Variants in OLA1 observed in about 807,000 individuals in gnomAD.
The protein encoded by OLA1 is obg-like ATPase 1.
OLA1 carries 14 observed loss-of-function variants against 48.4 expected under a neutral mutation model. The ratio of observed to expected loss-of-function variants is 0.29; its 90% CI spans 0.19 to 0.45. The LOEUF is 0.45. Among genes scored for constraint, OLA1 ranks in the 20% least tolerant of loss-of-function variants. OLA1 has a pLI of 1.00. For missense variants in OLA1, 325 were observed against 467.1 expected (o/e 0.70, Z 2.80); for synonymous variants, 127 against 150.4 (o/e 0.84, Z 1.14).
intron 7 of OLA1, among the ~76,000 whole-genome samples, chr2:174,099,756 A>G (rs2105351733): frequency 6.6e-6 from 1 of 152,340 alleles, no homozygotes; most frequent in Non-Finnish European, 1.5e-5. Context: ...GTGGTTTCTC[A>G]TACTTTAAGA....
intron 7 of OLA1, among the ~76,000 whole-genome samples, chr2:174,093,592 T>C (rs552267516): frequency 7.6e-4 from 116 of 152,360 alleles, no homozygotes; most frequent in African/African-American, 2.6e-3. Context: ...TACAACACTT[T>C]GTACTCGGAC....
chr2:174,166,087 T>C (rs1254160879), intron 4 of OLA1, among the ~76,000 whole-genome samples: 3 of 149,866 alleles, frequency 2.0e-5, no homozygotes, highest in African/African-American at 7.4e-5. Context: ...ATCGTGCCAC[T>C]GCACTCCAGC....
At chr2:174,098,177 T>C (rs1443037282) in intron 7 of OLA1, among the ~76,000 whole-genome samples, 1 of 152,214 alleles carries the variant, frequency 6.6e-6, no homozygotes, top group African/African-American at 2.4e-5. Flanking sequence ...TATTGACATA[T>C]ATTTTCAGTG....
intron 4 of OLA1, among the ~76,000 whole-genome samples, chr2:174,200,367 G>T (rs912220793): frequency 6.6e-6 from 1 of 152,024 alleles, no homozygotes; most frequent in Non-Finnish European, 1.5e-5. Flanking sequence ...ATAAAAATAC[G>T]TTTTTCTAGG....
At chr2:174,223,991 T>C (rs915863834) in intron 3 of OLA1, among the ~76,000 whole-genome samples, 2 of 152,214 alleles carry the variant, frequency 1.3e-5, no homozygotes, top group Non-Finnish European at 2.9e-5. Flanking sequence ...CTACTTTTAA[T>C]GTCATATGAC....
At chr2:174,087,836 C>T (rs941047842) in intron 7 of OLA1, among the ~76,000 whole-genome samples, 1 of 152,146 alleles carries the variant, frequency 6.6e-6, no homozygotes, top group Non-Finnish European at 1.5e-5. Context: ...AAAGATGGGT[C>T]AATCCAATAA....
At chr2:174,095,337 T>C (rs1454966484) in intron 7 of OLA1, among the ~76,000 whole-genome samples, 2 of 124,132 alleles carry the variant, frequency 1.6e-5, no homozygotes, top group African/African-American at 5.8e-5. Context: ...TTTTTTTTTT[T>C]TTTTTTTTTT....
At chr2:174,151,452 C>T (rs941414262) in intron 4 of OLA1, among the ~76,000 whole-genome samples, 103 of 152,278 alleles carry the variant, frequency 6.8e-4, no homozygotes, top group African/African-American at 2.3e-3. Flanking sequence ...GTTTGTCCTA[C>T]GCGTTAACAG....
intron 5 of OLA1, among the ~76,000 whole-genome samples, chr2:174,126,006 A>C (rs1686036483): frequency 6.6e-6 from 1 of 152,182 alleles, no homozygotes; most frequent in Non-Finnish European, 1.5e-5. Flanking sequence ...AGATTTACTA[A>C]AAGATGTCAG....
intron 7 of OLA1, among the ~76,000 whole-genome samples, chr2:174,100,007 CCCAGTGTTGG>C (rs1299656559): frequency 6.6e-6 from 1 of 152,144 alleles, no homozygotes; most frequent in Non-Finnish European, 1.5e-5. Context: ...ATAATAACAA[CCCAGTGTTGG>C]CTGGGGTTAA....
chr2:174,239,392 T>C (rs1479214702), intron 2 of OLA1, among the ~76,000 whole-genome samples: 2 of 152,148 alleles, frequency 1.3e-5, no homozygotes, highest in African/African-American at 4.8e-5. Flanking sequence ...TCTAATACAC[T>C]GTATTGAAAA....
chr2:174,093,927 T>A (rs890054685), intron 7 of OLA1, among the ~76,000 whole-genome samples: 1 of 152,236 alleles, frequency 6.6e-6, no homozygotes, highest in African/African-American at 2.4e-5. Flanking sequence ...GAGCCACAAA[T>A]CTTGATTTAA....
intron 7 of OLA1, among the ~76,000 whole-genome samples, chr2:174,082,386 A>AT (rs1684876161): frequency 6.6e-6 from 1 of 152,110 alleles, no homozygotes; most frequent in African/African-American, 2.4e-5. Flanking sequence ...CCATTTTATA[A>AT]TTTTTTGTTT....
At chr2:174,242,362 C>T (rs1347473150) in intron 2 of OLA1, among the ~76,000 whole-genome samples, 1 of 152,218 alleles carries the variant, frequency 6.6e-6, no homozygotes, top group African/African-American at 2.4e-5. Flanking sequence ...CTCTGAGAAT[C>T]GAATGCTGCT....
chr2:174,139,282 G>A (rs1459100512), intron 5 of OLA1, among the ~76,000 whole-genome samples: 1 of 152,218 alleles, frequency 6.6e-6, no homozygotes, highest in Non-Finnish European at 1.5e-5. Flanking sequence ...AGAGATTGGA[G>A]TTCTGCTGTC....
At chr2:174,146,421 T>G (rs770095828) in intron 4 of OLA1, among the ~76,000 whole-genome samples, 6 of 152,198 alleles carry the variant, frequency 3.9e-5, no homozygotes, top group Non-Finnish European at 4.4e-5. Context: ...GATAACCAGA[T>G]AAGTGGTACT....
At chr2:174,081,824 G>C in intron 8 of OLA1, 100 bp downstream of exon 8, 3 of 1,125,344 alleles carry the variant, frequency 2.7e-6, no homozygotes, top group Non-Finnish European at 2.6e-6. Flanking sequence ...CTTTATAATG[G>C]TAATTACTCT....
chr2:174,161,412 A>G lies in OLA1; in HGVS notation c.374-19412T>C, dbSNP rs144552577. On this transcript the variant is annotated intron_variant, in intron 4 of 10. Transcript: ENST00000284719. ...AATAAATGTAAAACAGTAAAATATA[A>G]GAACTTTATTTTCATTTATCTAAAA... Among the ~76,000 whole-genome samples the G allele has an allele frequency of 4.5e-3, 687 of 152,348 alleles. 7 individuals carry two copies. Among genetic ancestry groups the G allele is most frequent in the African/African-American group, 0.016 (662 of 41,576 alleles).
chr2:174,110,302 A>ATTT (rs575026912), intron 7 of OLA1, among the ~76,000 whole-genome samples: 8,886 of 113,586 alleles, frequency 0.078, 432 homozygotes, highest in African/African-American at 0.13. Context: ...CCATGCTTGG[A>ATTT]TTTTTTTTTT....
Sources: gnomAD v4.1 joint callset for allele counts (sites outside exome capture counted in the v4.1 genomes callset) on GRCh38, gnomAD v4.1.1 for gene constraint, MANE v1.5 for transcripts, NCBI Gene and HGNC (gene_info 2026-07-23, HGNC 2026-07-21) for gene names.